ALDH1L1: variants seen among roughly 807,000 people sequenced by gnomAD.
ALDH1L1 encodes cytosolic 10-formyltetrahydrofolate dehydrogenase.
A neutral mutation model predicts 101.1 loss-of-function variants in ALDH1L1; 68 were observed. The ratio of observed to expected loss-of-function variants is 0.67; its 90% confidence interval spans 0.55 to 0.82. The LOEUF is 0.82. Among genes scored for constraint, ALDH1L1 ranks in the 40% least tolerant of loss-of-function variants. The pLI, the probability that ALDH1L1 is intolerant of heterozygous loss-of-function variation, is 0.00. For synonymous variants in ALDH1L1, 486 were observed against 470.8 expected (o/e 1.03, Z -0.42); for missense variants, 1,087 against 1,172.7 (o/e 0.93, Z 1.07).
At chr3:126,132,889 G>C (rs544864425) in intron 12 of ALDH1L1, among the ~76,000 whole-genome samples, 2 of 152,338 alleles carry the variant, frequency 1.3e-5, no homozygotes, top group South Asian at 4.1e-4. Flanking sequence ...CACAGCACTG[G>C]GAAGCACTCA....
At chr3:126,164,381 A>G (rs995538071) in intron 1 of ALDH1L1, among the ~76,000 whole-genome samples, 1 of 151,772 alleles carries the variant, frequency 6.6e-6, no homozygotes, top group African/African-American at 2.4e-5. Context: ...CCATTCCCGT[A>G]CTCCCTCTAG....
At chr3:126,171,750 C>T (rs927277938) in intron 1 of ALDH1L1, among the ~76,000 whole-genome samples, 3 of 152,114 alleles carry the variant, frequency 2.0e-5, no homozygotes, top group African/African-American at 7.2e-5. Flanking sequence ...TGAGGAAAAA[C>T]CCAAATCCAG....
intron 1 of ALDH1L1, among the ~76,000 whole-genome samples, chr3:126,190,745 CAGAA>C (rs2081548366): frequency 1.3e-5 from 2 of 152,146 alleles, no homozygotes; most frequent in African/African-American, 4.8e-5. Context: ...AACAGGATGG[CAGAA>C]AGGAGTTCAT....
chr3:126,168,870 G>C (rs2081220693), intron 1 of ALDH1L1, among the ~76,000 whole-genome samples: 1 of 151,970 alleles, frequency 6.6e-6, no homozygotes, highest in Non-Finnish European at 1.5e-5. Context: ...TTGTTATGTT[G>C]GGTTATTGTA....
chr3:126,197,800 C>A (rs2081589481), exon 1 of ALDH1L1: 1 of 152,106 alleles, frequency 6.6e-6, no homozygotes, highest in Non-Finnish European at 1.5e-5. Context: ...GCTTCTGACA[C>A]CATGTTAAAA....
intron 22 of ALDH1L1, 163 bp downstream of exon 22, chr3:126,105,563 C>T (rs554558911): frequency 2.1e-5 from 17 of 792,140 alleles, no homozygotes; most frequent in African/African-American, 3.4e-5. Context: ...ATCTTGCTCA[C>T]GGACTTGTCA....
chr3:126,106,676 C>T (rs543319483), intron 21 of ALDH1L1, among the ~76,000 whole-genome samples: 2 of 152,298 alleles, frequency 1.3e-5, no homozygotes, highest in East Asian at 1.9e-4. Flanking sequence ...GGAAGCCTCC[C>T]GCAAGACCCC....
At chr3:126,117,953 C>T (rs4646742) in intron 17 of ALDH1L1, 52 bp downstream of exon 17, 161,179 of 1,521,790 alleles carry the variant, frequency 0.11, 10,836 homozygotes, top group African/African-American at 0.32. Context: ...ACTGCCATGT[C>T]CCAGGCGCAG....
intron 1 of ALDH1L1, 29 bp downstream of exon 1, chr3:126,180,447 C>T (rs1044585317): frequency 8.1e-6 from 8 of 988,710 alleles, no homozygotes; most frequent in Middle Eastern, 1.0e-3. Flanking sequence ...CGCCGGGAGT[C>T]CAGCGCTCTC....
At chr3:126,118,197 G>T (rs1000398694) in intron 16 of ALDH1L1, 99 bp from the exon 17 acceptor site, 1 of 963,128 alleles carries the variant, frequency 1.0e-6, no homozygotes, top group Non-Finnish European at 1.6e-6. Flanking sequence ...GGGGTCTGAG[G>T]CCCTCAAAAT....
intron 1 of ALDH1L1, among the ~76,000 whole-genome samples, chr3:126,178,813 G>A (rs1253327089): frequency 6.6e-6 from 1 of 151,932 alleles, no homozygotes; most frequent in Non-Finnish European, 1.5e-5. Context: ...AAGCCTAGAA[G>A]AATTTACACT....
chr3:126,168,959 A>T (rs1039470369), intron 1 of ALDH1L1, among the ~76,000 whole-genome samples: 1 of 152,154 alleles, frequency 6.6e-6, no homozygotes, highest in Non-Finnish European at 1.5e-5. Context: ...ATTTACAGAC[A>T]ATTTTTATTT....
At chr3:126,119,483 C>G (rs764644641) in intron 16 of ALDH1L1, among the ~76,000 whole-genome samples, 1 of 152,186 alleles carries the variant, frequency 6.6e-6, no homozygotes, top group Non-Finnish European at 1.5e-5. Flanking sequence ...TCCCATGACT[C>G]GCTCAGTCCA....
rs1226432781 is a variant in ALDH1L1, at chr3:126,160,920, C to T, written c.60G>A (p.Arg20=). The T allele has an allele frequency of 6.2e-7, 1 of 1,614,276 alleles. No individual in the cohort carries two copies. Among genetic ancestry groups the T allele is most frequent in the Admixed American group, 1.7e-5 (1 of 60,034 alleles). ...CACCCACCACTTCGTGGCCCTCCTT[C>T]CTCAGGTGGCAGTAAACTTCCTGGC... ...LFGQEVYCHL[R]KEGHEVVGVF... Residue 20 remains arginine, a synonymous_variant, in exon 2 of 23, where the codon AGG becomes AGA. Coordinates refer to ENST00000393434, the MANE Select transcript of ALDH1L1 (RefSeq NM_012190.4).
Position 126,155,513 on chromosome 3 carries a change from T to A in ALDH1L1, c.529-10A>T, listed in dbSNP as rs370042294. 2.5e-6 allele frequency: 4 copies of A among 1,605,148 alleles called. No individual in the cohort carries two copies. The highest frequency in any genetic ancestry group is 1.7e-5 in the Admixed American group (1 of 58,830). ...GCCTCACGGCCTGCACCTGGGGAGA[T>A]CCAGTGGGTTGCTATCCCCAGCAAT... is the stretch of plus-strand genomic sequence containing the variant. On this transcript the variant is annotated splice_polypyrimidine_tract_variant and intron_variant, in intron 4 of 22. Coordinates refer to ENST00000393434, the MANE Select transcript of ALDH1L1 (RefSeq NM_012190.4).
chr3:126,117,475 T>C (rs1476132725), intron 17 of ALDH1L1, among the ~76,000 whole-genome samples: 1 of 151,592 alleles, frequency 6.6e-6, no homozygotes, highest in African/African-American at 2.4e-5. Flanking sequence ...GGCAACACCA[T>C]GAGACCCCAT....
chr3:126,161,103 C>A, intron 1 of ALDH1L1, 101 bp from the exon 2 acceptor site: 1 of 1,362,782 alleles, frequency 7.3e-7, no homozygotes, highest in Non-Finnish European at 9.9e-7. Context: ...GCCTGCTCTA[C>A]CCCAGTCCCC....
At position 126,114,154 on chromosome 3, in the gene ALDH1L1, T is replaced by G. The variant is rs1461087986; in HGVS notation, c.2082+403A>C. Among the ~76,000 whole-genome samples the G allele has an allele frequency of 2.6e-5, 4 of 152,350 alleles. No individual in the cohort carries two copies. The East Asian group carries it at 7.7e-4, about 29-fold the overall frequency. ...AGGTTTACAGCATGAAGTTATGGATTACATATAGATGGTAAAATGGTTACC... is the reference window on the plus strand; with the variant it reads ...AGGTTTACAGCATGAAGTTATGGATGACATATAGATGGTAAAATGGTTACC... On this transcript the variant is annotated intron_variant, in intron 18 of 22. Transcript: ENST00000393434.
chr3:126,105,608 G>T, intron 22 of ALDH1L1, 118 bp downstream of exon 22: 2 of 1,176,790 alleles, frequency 1.7e-6, no homozygotes, highest in Non-Finnish European at 2.5e-6. Context: ...AACCCTGACA[G>T]CCATCATGTT....
Sources: allele counts gnomAD v4.1 joint callset (sites outside exome capture counted in the v4.1 genomes callset), GRCh38; gene constraint gnomAD v4.1.1; transcripts MANE v1.5; gene names NCBI Gene and HGNC (gene_info 2026-07-23, HGNC 2026-07-21).